DMXL1: variants seen among roughly 807,000 people sequenced by gnomAD.
DMXL1 encodes Dmx like 1.
Under a neutral mutation model 319.2 loss-of-function variants are expected in DMXL1, and 99 were observed. That is an observed-to-expected ratio of 0.31 (90% CI 0.26 to 0.37). The LOEUF (loss-of-function observed/expected upper bound fraction) is 0.37. Ranked by LOEUF, DMXL1 falls within the 10% of genes least tolerant of loss-of-function variation. The probability of loss-of-function intolerance (pLI) is 1.00; values close to 1 mark genes in which losing one functional copy is unlikely to be tolerated. For missense variants in DMXL1, 3,745 were observed against 3,595.6 expected (o/e 1.04, Z -1.06); for synonymous variants, 1,385 against 1,235.2 (o/e 1.12, Z -2.54).
intron 2 of DMXL1, among the ~76,000 whole-genome samples, 200 bp downstream of exon 2, chr5:119,098,304 T>G (rs1756444504): frequency 6.6e-6 from 1 of 152,218 alleles, no homozygotes; most frequent in African/African-American, 2.4e-5. Flanking sequence ...AATTATAGCA[T>G]CATCTTCTCT....
In DMXL1 at chr5:119,175,285, G is replaced by T. The variant is rs762576696; in HGVS notation, c.6706G>T (p.Ala2236Ser). 5 of 1,611,492 alleles carry T rather than the reference G, an allele frequency of 3.1e-6. No individual in the cohort carries two copies. The highest frequency in any genetic ancestry group is 1.3e-5 in the African/African-American group (1 of 74,810). ...NKVYVMHTLA[A>S]SLSACIYQCL... ...GGTGTATGTAATGCATACTTTAGCA[G>T]CTTCACTTTCTGCTTGTATTTATCA... The change falls in exon 26 of 44, where the codon GCT (alanine) becomes TCT (serine). Residue 2236 changes from alanine (A) to serine (S), a missense_variant. This residue lies in a region of DMXL1 where 1,382 missense variants were observed against 1,269.5 expected (regional missense o/e 1.09). Coordinates refer to ENST00000539542, the MANE Select transcript of DMXL1 (RefSeq NM_001290321.3).
chr5:119,104,352 A>G (rs376806835), intron 3 of DMXL1: 4 of 152,248 alleles, frequency 2.6e-5, no homozygotes, highest in Admixed American at 2.6e-4. Flanking sequence ...ACCTATGTCA[A>G]AATCACCTGG....
intron 7 of DMXL1, among the ~76,000 whole-genome samples, chr5:119,118,056 T>G (rs1761229145): frequency 6.6e-6 from 1 of 152,242 alleles, no homozygotes; most frequent in South Asian, 2.1e-4. Flanking sequence ...GGTTTCAGGC[T>G]TTGAGCTCTT....
At chr5:119,078,764 A>G (rs972075850) in intron 1 of DMXL1, among the ~76,000 whole-genome samples, 15 of 152,186 alleles carry the variant, frequency 9.9e-5, no homozygotes, top group African/African-American at 3.6e-4. Context: ...TGAGATATTC[A>G]GATCAAGGAG....
intron 42 of DMXL1, among the ~76,000 whole-genome samples, chr5:119,241,476 A>G (rs550111794): frequency 1.3e-5 from 2 of 148,934 alleles, no homozygotes; most frequent in Non-Finnish European, 3.0e-5. Flanking sequence ...CGGAGCTTGC[A>G]GTGAGCTGAG....
In DMXL1 at chr5:119,110,147, T is replaced by C. The variant is rs1249490258; in HGVS notation, c.365-4T>C. ...TAATAAATGAGGAATAATATTTTTT[T>C]TAGGCAGTCGTCTTTTAACTGGTTC... On this transcript the variant is annotated splice_polypyrimidine_tract_variant and splice_region_variant and intron_variant, in intron 4 of 43. Coordinates refer to ENST00000539542, the MANE Select transcript of DMXL1 (RefSeq NM_001290321.3). 3 of 1,589,846 alleles carry C rather than the reference T, an allele frequency of 1.9e-6. No individual in the cohort carries two copies. The highest frequency in any genetic ancestry group is 2.6e-6 in the Non-Finnish European group (3 of 1,171,470).
At chr5:119,203,619 A>T (rs1233180853) in intron 33 of DMXL1, among the ~76,000 whole-genome samples, 183 bp downstream of exon 33, 1 of 152,150 alleles carries the variant, frequency 6.6e-6, no homozygotes, top group Non-Finnish European at 1.5e-5. Context: ...CAATTTAATT[A>T]ATTCAAATGT....
chr5:119,117,696 A>G (rs1483630656), intron 7 of DMXL1, among the ~76,000 whole-genome samples: 1 of 151,994 alleles, frequency 6.6e-6, no homozygotes, highest in East Asian at 1.9e-4. Flanking sequence ...GGGAGAAGAA[A>G]ACAAGGAAGT....
chr5:119,133,730 A>G lies in DMXL1; in HGVS notation c.1806A>G (p.Lys602=). 1 of 1,614,210 alleles carries G rather than the reference A, an allele frequency of 6.2e-7. No individual in the cohort carries two copies. The highest frequency in any genetic ancestry group is 8.5e-7 in the Non-Finnish European group (1 of 1,180,040). The part of the protein sequence containing the change: ...IFTPNVMMIS[K]HADGSLNQWL... The stretch of plus-strand genomic sequence containing the variant: ...CGCCTAATGTTATGATGATATCAAA[A>G]CATGCTGATGGTTCTCTGAATCAGT... The change falls in exon 12 of 44, where the codon AAA becomes AAG. Residue 602 remains lysine (K), a synonymous_variant. Coordinates refer to ENST00000539542, the MANE Select transcript of DMXL1 (RefSeq NM_001290321.3).
chr5:119,129,598 T>C (rs547704944), intron 10 of DMXL1, among the ~76,000 whole-genome samples, 175 bp downstream of exon 10: 3 of 152,364 alleles, frequency 2.0e-5, no homozygotes, highest in African/African-American at 7.2e-5. Context: ...GTAGCTTTCT[T>C]CCACATGGTT....
At position 119,178,210 on chromosome 5, in the gene DMXL1, T is replaced by C. The variant is rs757643897; in HGVS notation, c.7101T>C (p.Pro2367=). 3 of 1,613,852 alleles carry C rather than the reference T, an allele frequency of 1.9e-6. No homozygotes were observed. The highest frequency in any genetic ancestry group is 8.5e-7 in the Non-Finnish European group (1 of 1,179,768). Reference sequence around the variant, plus strand: ...TGTTTGGTGGAGGTGCACATGTTCCTAGCAAAGAACAGACACATTCAAAAA... The same window carrying C: ...TGTTTGGTGGAGGTGCACATGTTCCCAGCAAAGAACAGACACATTCAAAAA... ...SAVFGGGAHV[P]SKEQTHSKTL... is the part of the protein sequence containing the mutation. The change falls in exon 28 of 44, where the codon CCT becomes CCC. Residue 2367 remains proline, a synonymous_variant. Coordinates refer to ENST00000539542, the MANE Select transcript of DMXL1 (RefSeq NM_001290321.3).
chr5:119,140,306 C>T (rs976597920), intron 13 of DMXL1, among the ~76,000 whole-genome samples: 1 of 152,070 alleles, frequency 6.6e-6, no homozygotes, highest in Non-Finnish European at 1.5e-5. Flanking sequence ...ACACAAAATA[C>T]CATTCAAAAG....
At chr5:119,206,713 C>A (rs1296276446) in intron 33 of DMXL1, 121 bp from the exon 34 acceptor site, 1 of 580,538 alleles carries the variant, frequency 1.7e-6, no homozygotes, top group African/African-American at 1.9e-5. Context: ...AATAGTAACT[C>A]CATATAATGT....
In DMXL1 at chr5:119,195,427, T is replaced by C. The variant is rs143240608; in HGVS notation, c.7458-944T>C. Among the ~76,000 whole-genome samples the C allele has an allele frequency of 2.1e-3, 318 of 152,316 alleles. 2 individuals are homozygous for C. The highest frequency in any genetic ancestry group is 7.2e-3 in the African/African-American group (300 of 41,566). Reference sequence around the variant, plus strand: ...TATTATTCAGCCTTAGGAAGGAAATTCTGACACATGCTGCAACATGGATAT... The same window carrying C: ...TATTATTCAGCCTTAGGAAGGAAATCCTGACACATGCTGCAACATGGATAT... On this transcript the variant is annotated intron_variant, in intron 30 of 43. Transcript: ENST00000539542.
chr5:119,193,764 CTG>C, intron 29 of DMXL1, 62 bp from the exon 30 acceptor site: 1 of 1,446,380 alleles, frequency 6.9e-7, no homozygotes. Context: ...TACTATTAGA[CTG>C]TATGTTTGAA....
intron 18 of DMXL1, among the ~76,000 whole-genome samples, 196 bp downstream of exon 18, chr5:119,150,617 C>A (rs889688198): frequency 5.3e-5 from 8 of 151,624 alleles, no homozygotes; most frequent in African/African-American, 1.9e-4. Context: ...AGTTGAGACC[C>A]CCATCTCTAT....
At chr5:119,208,504 G>T (rs1042763214) in intron 34 of DMXL1, among the ~76,000 whole-genome samples, 2 of 152,094 alleles carry the variant, frequency 1.3e-5, no homozygotes, top group African/African-American at 2.4e-5. Context: ...GTGAGACACC[G>T]TGCCCAGCCA....
chr5:119,210,757 G>GTTTTTTTTTTTTTTTTTTTTTTCTTTCTT, intron 34 of DMXL1, among the ~76,000 whole-genome samples: 2 of 89,778 alleles, frequency 2.2e-5, no homozygotes, highest in Non-Finnish European at 4.2e-5. Context: ...TTTTTCTTTC[G>GTTTTTTTTTTTTTTTTTTTTTTCTTTCTT]TTTTTTTTTT....
intron 1 of DMXL1, among the ~76,000 whole-genome samples, chr5:119,072,173 A>G (rs1374405678): frequency 1.3e-5 from 2 of 152,178 alleles, no homozygotes; most frequent in African/African-American, 2.4e-5. Flanking sequence ...TTCCCTGAGA[A>G]ATAACTTCGG....
Sources: allele counts gnomAD v4.1 joint callset (sites outside exome capture counted in the v4.1 genomes callset), GRCh38; gene constraint gnomAD v4.1.1; regional missense constraint gnomAD v4.1.1; transcripts MANE v1.5; gene names NCBI Gene and HGNC (gene_info 2026-07-23, HGNC 2026-07-21).